The following ACBD3 variants were observed in gnomAD, a reference collection of about 807,000 sequenced individuals.
ACBD3 encodes Golgi resident protein GCP60.
Under a neutral mutation model 66.9 loss-of-function variants are expected in ACBD3, and 30 were observed. That is an observed-to-expected ratio of 0.45 (90% confidence interval 0.34 to 0.61). ACBD3 has a LOEUF of 0.61. Ranked by LOEUF, ACBD3 falls within the 20% of genes least tolerant of loss-of-function variation. The pLI is 0.02. For synonymous variants in ACBD3, 278 were observed against 259.8 expected (o/e 1.07, Z -0.68); for missense variants, 544 against 664.5 (o/e 0.82, Z 1.99).
chr1:226,177,587 A>G (rs1017596084), intron 1 of ACBD3, among the ~76,000 whole-genome samples: 12 of 152,030 alleles, frequency 7.9e-5, no homozygotes, highest in African/African-American at 2.9e-4. Flanking sequence ...TACTATACAA[A>G]TCAGATCTTC....
chr1:226,170,279 T>G (rs1659967618), intron 1 of ACBD3, among the ~76,000 whole-genome samples: 1 of 147,274 alleles, frequency 6.8e-6, no homozygotes, highest in African/African-American at 2.5e-5. Flanking sequence ...TGCCTCAGCC[T>G]CCCGAGTAGC....
intron 2 of ACBD3, among the ~76,000 whole-genome samples, chr1:226,165,202 A>G (rs1432688447): frequency 1.3e-5 from 2 of 151,334 alleles, no homozygotes; most frequent in African/African-American, 2.4e-5. Context: ...ATAGGATCTC[A>G]CTCTGTTGCC....
chr1:226,166,129 G>T, intron 1 of ACBD3, 129 bp from the exon 2 acceptor site: 1 of 1,051,728 alleles, frequency 9.5e-7, no homozygotes, highest in Non-Finnish European at 1.3e-6. Context: ...CACTAATAGT[G>T]AAATTTTTAT....
At chr1:226,180,619 G>A (rs9661836) in intron 1 of ACBD3, among the ~76,000 whole-genome samples, 67,844 of 151,946 alleles carry the variant, frequency 0.45, 15,297 homozygotes, top group African/African-American at 0.5. Context: ...AACTCATCAA[G>A]CTACACACTT....
chr1:226,149,529 CTTTTTTTTTTTTTTT>C (rs1170130229), intron 7 of ACBD3, among the ~76,000 whole-genome samples: 8 of 29,596 alleles, frequency 2.7e-4, no homozygotes, highest in African/African-American at 9.5e-4. Flanking sequence ...GCCCAGCCAT[CTTTTTTTTTTTTTTT>C]TTTTTTTTTT....
intron 1 of ACBD3, among the ~76,000 whole-genome samples, chr1:226,168,313 C>T (rs1659913011): frequency 6.6e-6 from 1 of 152,148 alleles, no homozygotes; most frequent in South Asian, 2.1e-4. Context: ...GAAAGCAAAA[C>T]CATGGACAAG....
At chr1:226,155,077 G>C (rs943702545) in intron 5 of ACBD3, 1 of 294,334 alleles carries the variant, frequency 3.4e-6, no homozygotes, top group African/African-American at 2.2e-5. Context: ...TGCAACTAAG[G>C]CTCACATTTC....
Position 226,186,479 on chromosome 1 carries a change from C to G in ACBD3, c.197G>C (p.Gly66Ala). The G allele has an allele frequency of 6.7e-7, 1 of 1,492,298 alleles. No individual in the cohort carries two copies. The highest frequency in any genetic ancestry group is 8.9e-7 in the Non-Finnish European group (1 of 1,123,178). 92.4% of individuals were successfully genotyped at this position (1,492,298 alleles called of 1,614,324 possible). The part of the protein sequence containing the change: ...EQPEPGEAAA[G>A]GAAEEARRLE... ...CCGCCGCGCCTCCTCCGCCGCGCCC[C>G]CAGCCGCCGCCTCCCCGGGCTCGGG... Residue 66 changes from glycine (G) to alanine (A), a missense_variant, in exon 1 of 8, where the codon GGG becomes GCG. Around this residue, in one of 3 missense-constraint regions of ACBD3, gnomAD observed 137 missense variants for 145.9 expected, o/e 0.94. Coordinates refer to ENST00000366812, the MANE Select transcript of ACBD3 (RefSeq NM_022735.4).
At chr1:226,157,180 C>T (rs1179329061) in intron 5 of ACBD3, among the ~76,000 whole-genome samples, 1 of 151,690 alleles carries the variant, frequency 6.6e-6, no homozygotes, top group South Asian at 2.1e-4. Context: ...TTCCTTTTCT[C>T]TTCTCAGAAG....
intron 1 of ACBD3, among the ~76,000 whole-genome samples, chr1:226,173,790 T>A (rs565596854): frequency 1.5e-5 from 2 of 133,390 alleles, no homozygotes; most frequent in South Asian, 2.5e-4. Context: ...AGACAGAGTC[T>A]CACTCTGTTG....
intron 5 of ACBD3, among the ~76,000 whole-genome samples, chr1:226,155,610 T>C (rs1218524823): frequency 6.6e-6 from 1 of 152,062 alleles, no homozygotes; most frequent in Non-Finnish European, 1.5e-5. Context: ...AGGCAGAAGC[T>C]ATAATTGGCA....
chr1:226,150,563 G>C (rs1659551245), intron 7 of ACBD3, among the ~76,000 whole-genome samples: 1 of 152,092 alleles, frequency 6.6e-6, no homozygotes, highest in African/African-American at 2.4e-5. Context: ...ATTTTTAGTA[G>C]AGACAGGGCT....
intron 7 of ACBD3, among the ~76,000 whole-genome samples, chr1:226,149,558 T>TTTTTTTTTTTTTTA (rs1659525715): frequency 7.5e-6 from 1 of 134,208 alleles, no homozygotes; most frequent in Non-Finnish European, 1.5e-5. Flanking sequence ...TTTTTTTTTT[T>TTTTTTTTTTTTTTA]GAGATGGGGT....
chr1:226,145,788 T>G lies in ACBD3; in HGVS notation c.*822A>C, dbSNP rs1445425676. 6.6e-6 allele frequency: 1 copy of G among 152,470 alleles called. No individual in the cohort carries two copies. Among genetic ancestry groups the G allele is most frequent in the African/African-American group, 2.4e-5 (1 of 41,426 alleles). The allele number at this position is 152,470 out of a possible 1,614,324, so 9.4% of individuals were successfully genotyped here. On this transcript the variant is annotated 3_prime_UTR_variant, in exon 8 of 8. Transcript: ENST00000366812. ...AATTTGAGTTTATAAAATCCTTAAT[T>G]TTATTCTTTGTGCAGAAAAGTTTCA...
intron 1 of ACBD3, among the ~76,000 whole-genome samples, chr1:226,166,266 C>T (rs1659876909): frequency 6.6e-6 from 1 of 151,744 alleles, no homozygotes; most frequent in South Asian, 2.1e-4. Context: ...AATGACCCTC[C>T]CACCTCAGCC....
intron 1 of ACBD3, among the ~76,000 whole-genome samples, chr1:226,170,928 T>C (rs1443514036): frequency 1.3e-5 from 2 of 150,734 alleles, no homozygotes; most frequent in Non-Finnish European, 3.0e-5. Context: ...TACTGGTGAG[T>C]GCCACTATGC....
intron 3 of ACBD3, among the ~76,000 whole-genome samples, chr1:226,163,662 A>G (rs1314304392): frequency 6.6e-6 from 1 of 152,174 alleles, no homozygotes; most frequent in African/African-American, 2.4e-5. Flanking sequence ...TGTAATGGAG[A>G]AGTTTACCTT....
chr1:226,152,305 C>G, intron 7 of ACBD3, 30 bp downstream of exon 7: 1 of 1,607,758 alleles, frequency 6.2e-7, no homozygotes, highest in Non-Finnish European at 8.5e-7. Context: ...CACAACCCAG[C>G]AGCTACTGAA....
intron 6 of ACBD3, among the ~76,000 whole-genome samples, chr1:226,153,208 C>G (rs2102775797): frequency 6.6e-6 from 1 of 152,082 alleles, no homozygotes; most frequent in Non-Finnish European, 1.5e-5. Context: ...ATAAGTTTTT[C>G]AAAGTTAGTC....
Sources: allele counts gnomAD v4.1 joint callset (sites outside exome capture counted in the v4.1 genomes callset), GRCh38; gene constraint gnomAD v4.1.1; regional missense constraint gnomAD v4.1.1; transcripts MANE v1.5; gene names NCBI Gene and HGNC (gene_info 2026-07-23, HGNC 2026-07-21).